PIH1D2: variants seen among roughly 807,000 people sequenced by gnomAD.
PIH1D2 encodes PIH1 domain-containing protein 2.
A neutral mutation model predicts 31.2 loss-of-function variants in PIH1D2; 25 were observed. The observed-to-expected ratio is 0.80, with a 90% CI of 0.58 to 1.12. PIH1D2 has a LOEUF of 1.12. Among genes scored for constraint, PIH1D2 ranks in the 50% most tolerant of loss-of-function variants. PIH1D2 has a pLI of 0.00. For synonymous variants in PIH1D2, 116 were observed against 119.9 expected (o/e 0.97, Z 0.21); for missense variants, 310 against 356.6 (o/e 0.87, Z 1.05).
At chr11:112,054,189 G>T in the PIH1D2 span, among the ~76,000 whole-genome samples, 1 of 151,964 alleles carries the variant, frequency 6.6e-6, no homozygotes, top group Middle Eastern at 3.4e-3. Context: ...GGTGGTGCGC[G>T]CCTGTAGTCC....
At chr11:112,053,962 A>T in the PIH1D2 span, among the ~76,000 whole-genome samples, 1 of 152,158 alleles carries the variant, frequency 6.6e-6, no homozygotes. Context: ...CTTCCTACAT[A>T]CACACACATA....
At chr11:112,062,103 G>T (rs1864668785), downstream of PIH1D2, among the ~76,000 whole-genome samples, 1 of 152,098 alleles carries the variant, frequency 6.6e-6, no homozygotes, top group Non-Finnish European at 1.5e-5. Context: ...TATGGCTGCT[G>T]TTGCAAATAA....
At chr11:112,059,229 T>G (rs114738224), downstream of PIH1D2, among the ~76,000 whole-genome samples, 646 of 152,156 alleles carry the variant, frequency 4.2e-3, 2 homozygotes, top group African/African-American at 0.014. Context: ...CCACTCAAAA[T>G]CCAAGGAGTT....
At chr11:112,072,102 C>G (rs782544399) in intron 2 of PIH1D2, among the ~76,000 whole-genome samples, 1 of 151,864 alleles carries the variant, frequency 6.6e-6, no homozygotes, top group Non-Finnish European at 1.5e-5. Context: ...TCAAAAAAAA[C>G]AAAAACAAAA....
At chr11:112,059,444 G>A (rs1864395701), downstream of PIH1D2, among the ~76,000 whole-genome samples, 1 of 151,652 alleles carries the variant, frequency 6.6e-6, no homozygotes, top group Admixed American at 6.6e-5. Flanking sequence ...CCAGGCTGGA[G>A]TGCAGTGGTG....
chr11:112,064,023 G>C (rs1173552280), downstream of PIH1D2: 1 of 682,794 alleles, frequency 1.5e-6, no homozygotes, highest in African/African-American at 1.8e-5. Flanking sequence ...ATTCCACACA[G>C]ACTTTTACCT....
intron 5 of PIH1D2, among the ~76,000 whole-genome samples, chr11:112,069,556 A>G (rs1432371861): frequency 5.3e-5 from 8 of 152,176 alleles, no homozygotes; most frequent in African/African-American, 1.9e-4. Context: ...CTTAGCATAT[A>G]AGAATGGCAC....
downstream of PIH1D2, chr11:112,062,624 A>T: frequency 7.0e-7 from 1 of 1,431,434 alleles, no homozygotes; most frequent in South Asian, 1.2e-5. Context: ...GGTTCTTTTT[A>T]TTTTAACCAG....
At chr11:112,063,318 G>A (rs1864750725), downstream of PIH1D2, 1 of 152,236 alleles carries the variant, frequency 6.6e-6, no homozygotes, top group South Asian at 2.1e-4. Flanking sequence ...TTTAACAGAA[G>A]TTGTGAAACT....
downstream of PIH1D2, chr11:112,064,499 T>A: frequency 3.3e-6 from 1 of 307,668 alleles, no homozygotes; most frequent in Non-Finnish European, 5.9e-6. Context: ...AAATTTTGAG[T>A]TTATATAATT....
intron 5 of PIH1D2, among the ~76,000 whole-genome samples, chr11:112,069,223 G>A (rs1002032317): frequency 2.0e-5 from 3 of 151,564 alleles, no homozygotes; most frequent in Admixed American, 6.6e-5. Context: ...GGCTGGTCTC[G>A]AACCCCTGAG....
chr11:112,070,529 C>A lies in PIH1D2; in HGVS notation c.720G>T (p.Val240=), dbSNP rs1555184409. Residue 240 remains valine (V), a synonymous_variant, in exon 5 of 6, where the codon GTG becomes GTT. Coordinates refer to ENST00000280350, the MANE Select transcript of PIH1D2 (RefSeq NM_138789.4). ...TCAGAGGTTTCTCACTGTGATCATGCACAATTTTTAGTTCATAGGCTGGCA... is the reference window on the plus strand; with the variant it reads ...TCAGAGGTTTCTCACTGTGATCATGAACAATTTTTAGTTCATAGGCTGGCA... ...MKMPAYELKI[V]HDHSEKPLKI... 4.3e-6 allele frequency: 7 copies of A among 1,613,954 alleles called. No individual in the cohort carries two copies. Among genetic ancestry groups the A allele is most frequent in the Non-Finnish European group, 5.9e-6 (7 of 1,180,010 alleles).
At chr11:112,058,706 G>A (rs1864305267), downstream of PIH1D2, among the ~76,000 whole-genome samples, 2 of 150,176 alleles carry the variant, frequency 1.3e-5, no homozygotes, top group South Asian at 4.2e-4. Flanking sequence ...CAGATCAAAT[G>A]TTAACAGTAC....
At chr11:112,071,553 A>T in intron 3 of PIH1D2, 82 bp downstream of exon 3, 1 of 1,480,080 alleles carries the variant, frequency 6.8e-7, no homozygotes, top group Non-Finnish European at 9.3e-7. Context: ...AAAGAGTTTT[A>T]CTTGAAATGC....
rs1415273277 is a variant in PIH1D2 at position 112,068,995 on chromosome 11, T to G, written c.814-990A>C. On this transcript the variant is annotated intron_variant, in intron 5 of 5. Transcript: ENST00000280350. ...TGAATTTTTTTTGTTTTTTTTTTTT[T>G]TTGTTTTTTTTTTTTTGAGGGGAGA... Among the ~76,000 whole-genome samples, 26 of 147,062 alleles carry G rather than the reference T, an allele frequency of 1.8e-4. No individual in the cohort carries two copies. The South Asian group carries it at 2.2e-3, about 12-fold the overall frequency.
chr11:112,067,814 G>T lies in PIH1D2; in HGVS notation c.*57C>A. The T allele has an allele frequency of 6.3e-7, 1 of 1,584,758 alleles. No individual in the cohort carries two copies. Among genetic ancestry groups the T allele is most frequent in the Non-Finnish European group, 8.6e-7 (1 of 1,169,504 alleles). ...TACTACCTCTTTAGCCAAAATGAAGGTCCTTTAATTCACATGACTTTAGCA... is the reference window on the plus strand; with the variant it reads ...TACTACCTCTTTAGCCAAAATGAAGTTCCTTTAATTCACATGACTTTAGCA... On this transcript the variant is annotated 3_prime_UTR_variant, in exon 6 of 6. Coordinates refer to ENST00000280350, the MANE Select transcript of PIH1D2 (RefSeq NM_138789.4).
At chr11:112,065,895 C>T (rs1462028564), downstream of PIH1D2, among the ~76,000 whole-genome samples, 1 of 151,938 alleles carries the variant, frequency 6.6e-6, no homozygotes, top group Non-Finnish European at 1.5e-5. Context: ...GCAGGAGAAT[C>T]ACTTGAACCT....
At chr11:112,058,673 C>A (rs1864301572), downstream of PIH1D2, among the ~76,000 whole-genome samples, 4 of 144,584 alleles carry the variant, frequency 2.8e-5, no homozygotes, top group Middle Eastern at 0.015. Context: ...TTTAGCATTT[C>A]TTCCTTTTAT....
At chr11:112,056,985 G>A in the PIH1D2 span, among the ~76,000 whole-genome samples, 4 of 152,154 alleles carry the variant, frequency 2.6e-5, no homozygotes, top group Admixed American at 2.6e-4. Flanking sequence ...AACAGCATGT[G>A]CTCACTTCCT....
Sources: gnomAD v4.1 joint callset for allele counts (sites outside exome capture counted in the v4.1 genomes callset) on GRCh38, gnomAD v4.1.1 for gene constraint, MANE v1.5 for transcripts, NCBI Gene and HGNC (gene_info 2026-07-23, HGNC 2026-07-21) for gene names.